DPH6: variants seen among roughly 807,000 people sequenced by gnomAD.
DPH6 encodes diphthamine biosynthesis 6.
DPH6 carries 33 observed loss-of-function variants against 38.2 expected under a neutral mutation model. The ratio of observed to expected loss-of-function variants is 0.86; its 90% CI spans 0.65 to 1.15. The LOEUF (loss-of-function observed/expected upper bound fraction) is 1.15. DPH6 is among the 50% of genes most tolerant of loss of function. The pLI is 0.00. For missense variants in DPH6, 325 were observed against 320.0 expected (o/e 1.02, Z -0.12); for synonymous variants, 108 against 103.0 (o/e 1.05, Z -0.30).
At chr15:35,379,297 C>CT (rs1446532376) in intron 7 of DPH6, among the ~76,000 whole-genome samples, 1 of 152,122 alleles carries the variant, frequency 6.6e-6, no homozygotes, top group East Asian at 1.9e-4. Flanking sequence ...AGGTAGTCTT[C>CT]TTTTTTTGTA....
At chr15:35,284,163 C>T (rs1346367176) in intron 3 of DPH6, among the ~76,000 whole-genome samples, 2 of 152,210 alleles carry the variant, frequency 1.3e-5, no homozygotes, top group Non-Finnish European at 2.9e-5. Context: ...TCTATCCTCA[C>T]TCATCAGCTG....
rs74385957 is a variant in DPH6 at position 35,537,020 on chromosome 15, G to C, written c.312+1254C>G. Among the ~76,000 whole-genome samples the C allele has an allele frequency of 3.1e-3, 467 of 151,958 alleles. 3 individuals are homozygous for C. In the East Asian group the frequency reaches 0.034, roughly 11 times the overall value. On this transcript the variant is annotated intron_variant, in intron 3 of 8. Transcript: ENST00000256538. ...GCAGAAAATTTTGGAACTACTCTAAGGGTTTTTCTTATCAGTTTCTTTTTA... is the reference window on the plus strand; with the variant it reads ...GCAGAAAATTTTGGAACTACTCTAACGGTTTTTCTTATCAGTTTCTTTTTA...
rs35660588 is a variant in DPH6, at chr15:35,542,716, C to CTATA, written c.24-213_24-210dup. Among the ~76,000 whole-genome samples the CTATA allele has an allele frequency of 3.5e-3, 525 of 149,738 alleles. 3 individuals carry two copies. The highest frequency in any genetic ancestry group is 5.6e-3 in the Non-Finnish European group (380 of 67,574). ...CTGCTACTCACAGGAGCTTAAGAAA[C>CTATA]TATATATATATAAGAATATTCTAAA... On this transcript the variant is annotated intron_variant, in intron 1 of 8. Transcript: ENST00000256538.
At chr15:35,382,345 A>G (rs190050332) in intron 6 of DPH6, among the ~76,000 whole-genome samples, 30 of 152,256 alleles carry the variant, frequency 2.0e-4, no homozygotes, top group Admixed American at 2.6e-4. Context: ...CCGAGGCGGG[A>G]GAATGGCGTA....
chr15:35,197,807 G>C, the DPH6 span, among the ~76,000 whole-genome samples: 1 of 152,120 alleles, frequency 6.6e-6, no homozygotes, highest in African/African-American at 2.4e-5. Flanking sequence ...AATGCAAACA[G>C]GGGAATTTTT....
At chr15:35,222,048 C>T (rs1433031576) in intron 3 of DPH6, among the ~76,000 whole-genome samples, 1 of 152,254 alleles carries the variant, frequency 6.6e-6, no homozygotes, top group East Asian at 1.9e-4. Flanking sequence ...TTTCCAATAC[C>T]TTGTTTCTCA....
At chr15:35,328,107 C>CTATA (rs137985234), downstream of DPH6, among the ~76,000 whole-genome samples, 2 of 151,338 alleles carry the variant, frequency 1.3e-5, no homozygotes, top group Non-Finnish European at 2.9e-5. Flanking sequence ...TCAGGCAAAC[C>CTATA]TATATATATA....
chr15:35,428,335 C>A (rs886946769), intron 5 of DPH6, among the ~76,000 whole-genome samples: 25 of 151,964 alleles, frequency 1.6e-4, no homozygotes, highest in African/African-American at 6.0e-4. Flanking sequence ...GAGCCAGTTG[C>A]ATATTGTTTT....
intron 7 of DPH6, among the ~76,000 whole-genome samples, chr15:35,377,093 G>C (rs2052791524): frequency 1.3e-5 from 2 of 152,036 alleles, no homozygotes. Flanking sequence ...AAGGAAAATA[G>C]CTCATAAATT....
intron 6 of DPH6, among the ~76,000 whole-genome samples, chr15:35,403,868 G>A (rs2140982486): frequency 6.7e-6 from 1 of 148,476 alleles, no homozygotes; most frequent in South Asian, 2.2e-4. Context: ...ACTCCCTGGT[G>A]GTCCCCCACT....
At chr15:35,309,399 GTAGAA>G (rs2052121240) in intron 3 of DPH6, among the ~76,000 whole-genome samples, 1 of 152,118 alleles carries the variant, frequency 6.6e-6, no homozygotes, top group Admixed American at 6.5e-5. Flanking sequence ...GCTAGCACAG[GTAGAA>G]TGACTGATTG....
chr15:35,381,548 G>A (rs1480162254), intron 7 of DPH6, among the ~76,000 whole-genome samples: 3 of 152,120 alleles, frequency 2.0e-5, no homozygotes, highest in South Asian at 2.1e-4. Flanking sequence ...TAAAAGTGTC[G>A]GTGTGTAGGT....
chr15:35,442,006 C>A (rs1232045211), intron 5 of DPH6, among the ~76,000 whole-genome samples: 1 of 151,714 alleles, frequency 6.6e-6, no homozygotes, highest in Non-Finnish European at 1.5e-5. Flanking sequence ...ATCAAAAGAA[C>A]ATGTAATCAA....
intron 3 of DPH6, among the ~76,000 whole-genome samples, chr15:35,244,755 G>C (rs1165857980): frequency 1.3e-5 from 2 of 152,222 alleles, no homozygotes; most frequent in Admixed American, 1.3e-4. Context: ...AAGCTAGAGA[G>C]AGCTGTGCTG....
Position 35,220,821 on chromosome 15 carries a change from A to T in DPH6, n.201-239T>A, listed in dbSNP as rs190274652. Among the ~76,000 whole-genome samples, 539 of 152,128 alleles carry T rather than the reference A, an allele frequency of 3.5e-3. 2 individuals are homozygous for T. Among genetic ancestry groups the T allele is most frequent in the African/African-American group, 0.012 (506 of 41,506 alleles). ...CACAAGGGGCAGTATTGAAAAAAAAATTTTTTTGAAGTATTCCACCTCTAG... is the reference window on the plus strand; with the variant it reads ...CACAAGGGGCAGTATTGAAAAAAAATTTTTTTTGAAGTATTCCACCTCTAG... On this transcript the variant is annotated intron_variant and non_coding_transcript_variant, in intron 3 of 3. Coordinates refer to the DPH6 transcript ENST00000560386.
At position 35,463,941 on chromosome 15, in the gene DPH6, C is replaced by T. The variant is rs568069577; in HGVS notation, c.313-9121G>A. Among the ~76,000 whole-genome samples, 5 of 152,110 alleles carry T rather than the reference C, an allele frequency of 3.3e-5. No individual in the cohort carries two copies. The East Asian group carries it at 7.7e-4, about 24-fold the overall frequency. On this transcript the variant is annotated intron_variant, in intron 3 of 8. Coordinates refer to ENST00000256538, the MANE Select transcript of DPH6 (RefSeq NM_080650.4). ...AAAACACATTAGAAAACAGCACAGTCGATGTTCTTAAAAAATTAAAATCTA... is the reference window on the plus strand; with the variant it reads ...AAAACACATTAGAAAACAGCACAGTTGATGTTCTTAAAAAATTAAAATCTA...
intron 3 of DPH6, 64 bp from the exon 4 acceptor site, chr15:35,454,884 C>G (rs960799523): frequency 8.2e-7 from 1 of 1,217,856 alleles, no homozygotes; most frequent in East Asian, 2.4e-5. Context: ...ACATCATGCT[C>G]TGAAAATTAT....
At chr15:35,332,718 A>C (rs2052335103) in intron 3 of DPH6, among the ~76,000 whole-genome samples, 1 of 152,114 alleles carries the variant, frequency 6.6e-6, no homozygotes, top group African/African-American at 2.4e-5. Context: ...CCCTCAAAAG[A>C]GTGTCTATCT....
chr15:35,237,597 C>T (rs975859271), intron 3 of DPH6: 24 of 1,592,464 alleles, frequency 1.5e-5, no homozygotes, highest in East Asian at 2.2e-5. Context: ...CCGAACCTCA[C>T]GCATCTAAAT....
Sources: gnomAD v4.1 joint callset for allele counts (sites outside exome capture counted in the v4.1 genomes callset) on GRCh38, gnomAD v4.1.1 for gene constraint, MANE v1.5 for transcripts, NCBI Gene and HGNC (gene_info 2026-07-23, HGNC 2026-07-21) for gene names.